The following NBEA variants were observed in gnomAD, a reference collection of about 807,000 sequenced individuals.
NBEA encodes lysosomal-trafficking regulator 2.
Under a neutral mutation model 343.4 loss-of-function variants are expected in NBEA, and 44 were observed. The ratio of observed to expected loss-of-function variants is 0.13; its 90% CI spans 0.10 to 0.16. The LOEUF (loss-of-function observed/expected upper bound fraction) is 0.16, where lower values mean the gene tolerates loss of function less well. NBEA is among the 10% of genes least tolerant of loss of function. NBEA has a pLI of 1.00. For synonymous variants in NBEA, 1,175 were observed against 1,238.7 expected, an observed-to-expected ratio of 0.95 and a Z score of 1.08; for missense variants, 2,555 against 3,631.3, an observed-to-expected ratio of 0.70 and a Z score of 7.62.
At chr13:35,616,399 C>G (rs2082742170) in intron 48 of NBEA, among the ~76,000 whole-genome samples, 1 of 152,184 alleles carries the variant, frequency 6.6e-6, no homozygotes, top group Admixed American at 6.5e-5. Context: ...CTGTCTGTAT[C>G]TGTGCTTAGA....
At chr13:35,240,887 G>T (rs74048955) in intron 34 of NBEA, among the ~76,000 whole-genome samples, 6,797 of 151,646 alleles carry the variant, frequency 0.045, 180 homozygotes, top group South Asian at 0.079. Flanking sequence ...CTTCATAATA[G>T]TTTATTAACT....
At chr13:34,943,323 C>T (rs2059089790) in intron 1 of NBEA, among the ~76,000 whole-genome samples, 1 of 152,138 alleles carries the variant, frequency 6.6e-6, no homozygotes, top group African/African-American at 2.4e-5. Context: ...CTGGTCCTCT[C>T]CTGCCACCTG....
At chr13:35,155,748 TG>T (rs2069129745) in intron 18 of NBEA, 25 bp from the exon 19 acceptor site, 1 of 1,538,586 alleles carries the variant, frequency 6.5e-7, no homozygotes, top group Non-Finnish European at 9.0e-7. Context: ...GTTTTCTAAA[TG>T]AAGTTCAAAT....
chr13:35,656,656 G>A (rs528073451), intron 55 of NBEA, among the ~76,000 whole-genome samples: 2 of 152,140 alleles, frequency 1.3e-5, no homozygotes, highest in Non-Finnish European at 2.9e-5. Context: ...AGATTGGCTA[G>A]AAATAATTAC....
intron 43 of NBEA, 93 bp downstream of exon 43, chr13:35,551,125 T>C (rs570064251): frequency 1.5e-6 from 1 of 667,398 alleles, no homozygotes; most frequent in South Asian, 3.1e-5. Flanking sequence ...ACATTATAAT[T>C]ATTTCAGAGA....
chr13:35,627,704 A>G (rs535301369), intron 48 of NBEA, among the ~76,000 whole-genome samples: 22 of 152,308 alleles, frequency 1.4e-4, no homozygotes, highest in African/African-American at 5.1e-4. Flanking sequence ...TTTAAAAATG[A>G]GAAATGAAAC....
chr13:35,670,530 G>C (rs3794388), intron 58 of NBEA, among the ~76,000 whole-genome samples: 24,196 of 152,208 alleles, frequency 0.16, 1,971 homozygotes, highest in South Asian at 0.26. Flanking sequence ...AGGTCACAGA[G>C]ATAGGAAGAG....
At chr13:35,183,855 T>A (rs1049238397) in intron 29 of NBEA, 121 bp from the exon 30 acceptor site, 11 of 597,224 alleles carry the variant, frequency 1.8e-5, no homozygotes, top group Non-Finnish European at 3.2e-5. Context: ...CAGAGATGCA[T>A]TCGTTATTGC....
chr13:35,665,701 C>T (rs960488363), intron 56 of NBEA, among the ~76,000 whole-genome samples: 2 of 152,086 alleles, frequency 1.3e-5, no homozygotes, highest in African/African-American at 4.8e-5. Context: ...ATCCAGGCTC[C>T]CTGCAACTTC....
intron 8 of NBEA, among the ~76,000 whole-genome samples, chr13:35,059,825 C>T (rs2063403559): frequency 6.6e-6 from 1 of 151,564 alleles, no homozygotes; most frequent in African/African-American, 2.4e-5. Flanking sequence ...TTTTTGTTCT[C>T]AGTGACTTTA....
chr13:34,980,801 G>C (rs766436301), intron 1 of NBEA, among the ~76,000 whole-genome samples: 2 of 152,026 alleles, frequency 1.3e-5, no homozygotes, highest in Non-Finnish European at 2.9e-5. Flanking sequence ...TTCCTAGTTT[G>C]CTAAGAGTTT....
Position 35,173,507 on chromosome 13 carries a change from A to T in NBEA, c.4467A>T (p.Arg1489Ser). The T allele has an allele frequency of 6.2e-7, 1 of 1,610,486 alleles. No individual in the cohort carries two copies. Among genetic ancestry groups the T allele is most frequent in the Non-Finnish European group, 8.5e-7 (1 of 1,177,768 alleles). ...GAAACTGTTTAGAATGTCGGCAAAG[A>T]CAGAGAGACAGGGGAAATAAATCTT... ...AVRNCLECRQ[R>S]QRDRGNKSSH... Residue 1489 changes from arginine to serine, a missense_variant, in exon 27 of 59, where the codon AGA becomes AGT. By Grantham distance (110) the Arg-to-Ser change is moderately radical. Transcript: ENST00000379939.
chr13:35,289,988 T>C (rs2152817700), intron 34 of NBEA, among the ~76,000 whole-genome samples: 1 of 151,966 alleles, frequency 6.6e-6, no homozygotes, highest in East Asian at 1.9e-4. Context: ...TTATTGTTCT[T>C]TGCTCCAAGG....
intron 25 of NBEA, chr13:35,171,069 T>G (rs1429903271): frequency 2.9e-6 from 2 of 701,742 alleles, no homozygotes; most frequent in South Asian, 2.9e-5. Flanking sequence ...GGGCTTTTCC[T>G]TTATTCAAGG....
intron 37 of NBEA, among the ~76,000 whole-genome samples, chr13:35,350,058 A>G (rs1253892925): frequency 6.6e-6 from 1 of 152,138 alleles, no homozygotes; most frequent in African/African-American, 2.4e-5. Context: ...CGATAAAAGT[A>G]TAGTGATCTT....
At chr13:35,428,410 C>G (rs1259763786) in intron 38 of NBEA, among the ~76,000 whole-genome samples, 2 of 152,194 alleles carry the variant, frequency 1.3e-5, no homozygotes, top group Admixed American at 1.3e-4. Context: ...ACTTTTTCCT[C>G]TATTTCCTTC....
chr13:35,097,321 A>G (rs2065387120), intron 10 of NBEA, among the ~76,000 whole-genome samples: 1 of 151,848 alleles, frequency 6.6e-6, no homozygotes, highest in South Asian at 2.1e-4. Context: ...GTACTTCTGC[A>G]TTTAAAATAT....
chr13:35,628,253 G>A lies in NBEA; in HGVS notation c.7617+5G>A. 2 of 1,574,188 alleles carry A rather than the reference G, an allele frequency of 1.3e-6. No homozygotes were observed. Among genetic ancestry groups the A allele is most frequent in the Non-Finnish European group, 1.7e-6 (2 of 1,161,354 alleles). On this transcript the variant is annotated splice_donor_5th_base_variant and intron_variant, in intron 49 of 58. Transcript: ENST00000379939. Reference sequence around the variant, plus strand: ...ACTGATCCTGTGCTCAGGGAGGTAGGTGTTAAATCCCATATTATTCCAAAA... The same window carrying A: ...ACTGATCCTGTGCTCAGGGAGGTAGATGTTAAATCCCATATTATTCCAAAA...
intron 34 of NBEA, among the ~76,000 whole-genome samples, chr13:35,245,919 C>T (rs964332081): frequency 2.0e-5 from 3 of 152,136 alleles, no homozygotes; most frequent in African/African-American, 4.8e-5. Context: ...TCAGGAATGC[C>T]GGTCATTCCT....
Sources: gnomAD v4.1 joint callset for allele counts (sites outside exome capture counted in the v4.1 genomes callset) on GRCh38, gnomAD v4.1.1 for gene constraint, MANE v1.5 for transcripts, NCBI Gene and HGNC (gene_info 2026-07-23, HGNC 2026-07-21) for gene names.